The following BCL9 variants were observed in gnomAD, a reference collection of about 807,000 sequenced individuals.
The protein encoded by BCL9 is B-cell CLL/lymphoma 9 protein.
In BCL9, 25 loss-of-function variants were observed where a neutral mutation model predicts 88.5. The ratio of observed to expected loss-of-function variants is 0.28; its 90% CI spans 0.21 to 0.39. The LOEUF is 0.39. Ranked by LOEUF, BCL9 falls within the 10% of genes least tolerant of loss-of-function variation. BCL9 has a pLI of 1.00. For synonymous variants in BCL9, 711 were observed against 673.3 expected (o/e 1.06, Z -0.87); for missense variants, 1,817 against 1,877.8 (o/e 0.97, Z 0.60).
intron 1 of BCL9, among the ~76,000 whole-genome samples, chr1:147,597,271 A>G (rs1657096228): frequency 6.6e-6 from 1 of 152,218 alleles, no homozygotes; most frequent in African/African-American, 2.4e-5. Context: ...ACAGGTGGAA[A>G]AACTGGAGGC....
At chr1:147,613,313 ATCAGAT>A (rs1386297843) in intron 5 of BCL9, 114 bp downstream of exon 5, 37 of 1,018,490 alleles carry the variant, frequency 3.6e-5, no homozygotes, top group African/African-American at 1.5e-4. Flanking sequence ...GAGAGTAGGT[ATCAGAT>A]TCATGAGTTC....
At chr1:147,618,008 T>TTA (rs1475290074) in intron 7 of BCL9, among the ~76,000 whole-genome samples, 1 of 152,188 alleles carries the variant, frequency 6.6e-6, no homozygotes, top group East Asian at 1.9e-4. Flanking sequence ...GCAGTGGTAC[T>TTA]TAATAAACAA....
At chr1:147,599,639 G>C (rs1657245665) in intron 1 of BCL9, among the ~76,000 whole-genome samples, 1 of 152,300 alleles carries the variant, frequency 6.6e-6, no homozygotes, top group South Asian at 2.1e-4. Context: ...TGGAGTTGGG[G>C]ACTAGAGCTC....
At chr1:147,589,993 C>T (rs1487549701) in intron 1 of BCL9, among the ~76,000 whole-genome samples, 1 of 152,222 alleles carries the variant, frequency 6.6e-6, no homozygotes, top group African/African-American at 2.4e-5. Context: ...TTCTCACCAA[C>T]ACTTGCCATT....
In BCL9 at chr1:147,548,965, C is replaced by T. The variant is rs587682865; in HGVS notation, c.-478+7291C>T. Among the ~76,000 whole-genome samples the T allele has an allele frequency of 3.2e-5, 4 of 123,496 alleles. No homozygotes were observed. The East Asian group carries it at 1.0e-3, about 32-fold the overall frequency. The allele number at this position is 123,496 out of a possible 152,430, so 81.0% of individuals were successfully genotyped here. A position where few individuals can be genotyped will look rare whatever the true frequency, so the allele number is the denominator to read the frequency against. ...CATTTCGTATACTCTCAAATTCTCT[C>T]CTTTTCTTTCTTTCTTTTTTTTTTT... On this transcript the variant is annotated intron_variant, in intron 1 of 9. Transcript: ENST00000234739.
intron 2 of BCL9, 123 bp from the exon 3 acceptor site, chr1:147,606,661 C>T (rs1214320321): frequency 1.3e-5 from 2 of 152,162 alleles, no homozygotes; most frequent in Admixed American, 6.5e-5. Flanking sequence ...ATGACAGCTT[C>T]GTCTTAAACT....
chr1:147,578,259 T>C (rs1656197939), intron 1 of BCL9, among the ~76,000 whole-genome samples: 1 of 152,184 alleles, frequency 6.6e-6, no homozygotes, highest in Non-Finnish European at 1.5e-5. Flanking sequence ...TCCTCCCATG[T>C]CAAGTGTTTG....
At chr1:147,547,364 C>A (rs1654652784) in intron 1 of BCL9, among the ~76,000 whole-genome samples, 1 of 152,032 alleles carries the variant, frequency 6.6e-6, no homozygotes, top group South Asian at 2.1e-4. Flanking sequence ...ATTGGTTAAA[C>A]CTTTGAAAAG....
intron 7 of BCL9, among the ~76,000 whole-genome samples, chr1:147,616,506 G>T (rs781784136): frequency 2.3e-4 from 35 of 152,172 alleles, no homozygotes; most frequent in Non-Finnish European, 4.6e-4. Context: ...GGTGGCTCAT[G>T]CCTGTAATCC....
At chr1:147,587,984 G>A (rs903001054) in intron 1 of BCL9, among the ~76,000 whole-genome samples, 9 of 152,244 alleles carry the variant, frequency 5.9e-5, no homozygotes, top group South Asian at 4.1e-4. Flanking sequence ...TATTAAAAAC[G>A]TCAAGTTTGT....
At chr1:147,575,859 A>C (rs1656085761) in intron 1 of BCL9, among the ~76,000 whole-genome samples, 2 of 145,370 alleles carry the variant, frequency 1.4e-5, no homozygotes, top group Non-Finnish European at 3.0e-5. Context: ...ACTTATATGC[A>C]TTTATACATC....
At chr1:147,600,678 G>A (rs1553201145) in intron 1 of BCL9, among the ~76,000 whole-genome samples, 1 of 152,074 alleles carries the variant, frequency 6.6e-6, no homozygotes, top group Non-Finnish European at 1.5e-5. Flanking sequence ...GTGTTGGAGG[G>A]GCGAGATGGA....
intron 3 of BCL9, among the ~76,000 whole-genome samples, chr1:147,610,485 C>T (rs1570901643): frequency 6.6e-6 from 1 of 152,120 alleles, no homozygotes; most frequent in African/African-American, 2.4e-5. Context: ...TATAATTGAT[C>T]CTCCCAATTT....
At chr1:147,571,560 G>A (rs981275189) in intron 1 of BCL9, among the ~76,000 whole-genome samples, 2 of 152,108 alleles carry the variant, frequency 1.3e-5, no homozygotes, top group Non-Finnish European at 2.9e-5. Context: ...CCCCTCCCCA[G>A]GTTATGTTGA....
rs1553203407 is a variant in BCL9, at chr1:147,614,499, C to T, written c.443C>T (p.Ala148Val). The T allele has an allele frequency of 6.2e-7, 1 of 1,614,108 alleles. No individual in the cohort carries two copies. Among genetic ancestry groups the T allele is most frequent in the East Asian group, 2.2e-5 (1 of 44,874 alleles). Residue 148 changes from alanine to valine, a missense_variant, in exon 6 of 10, where the codon GCT (alanine) becomes GTT (valine). Physicochemically the swap from Ala to Val is moderately conservative, Grantham distance 64. Transcript: ENST00000234739. Reference protein sequence around the residue: ...HTPHSMTPSNATAPRSSTPSH... With the variant: ...HTPHSMTPSNVTAPRSSTPSH... ...CCACACTCGATGACCCCATCAAATG[C>T]TACAGCCCCCAGGTCTTCTACCCCC... is the stretch of plus-strand genomic sequence containing the variant.
Position 147,614,512 on chromosome 1 carries a change from G to C in BCL9, c.456G>C (p.Arg152Ser). Residue 152 changes from arginine (R) to serine (S), a missense_variant, in exon 6 of 10, where the codon AGG (arginine) becomes AGC (serine). Physicochemically the swap from Arg to Ser is moderately radical, Grantham distance 110 (BLOSUM62 -1). Coordinates refer to ENST00000234739, the MANE Select transcript of BCL9 (RefSeq NM_004326.4). ...SMTPSNATAP[R>S]SSTPSHGQTT... is the part of the protein sequence containing the mutation. ...CCCCATCAAATGCTACAGCCCCCAG[G>C]TCTTCTACCCCCTCCCATGGCCAAA... 2 of 1,613,822 alleles carry C rather than the reference G, an allele frequency of 1.2e-6. No homozygotes were observed. Among genetic ancestry groups the C allele is most frequent in the African/African-American group, 2.7e-5 (2 of 74,924 alleles).
intron 1 of BCL9, among the ~76,000 whole-genome samples, chr1:147,544,663 C>T (rs370363552): frequency 1.4e-4 from 21 of 152,044 alleles, no homozygotes; most frequent in Non-Finnish European, 1.3e-4. Context: ...TCTTGGAATT[C>T]CAAAGACAAT....
In BCL9 at chr1:147,595,713, A is replaced by T. The variant is rs201976985; in HGVS notation, c.-477-9064A>T. On this transcript the variant is annotated intron_variant, in intron 1 of 9. Transcript: ENST00000234739. ...AAATAAATAAATAAATAAATAATAA[A>T]TTAGTGGAAATTGAGGAAGAAAAGG... Among the ~76,000 whole-genome samples, 34 of 152,214 alleles carry T rather than the reference A, an allele frequency of 2.2e-4. No homozygotes were observed. In the East Asian group the frequency reaches 6.2e-3, roughly 28 times the overall value.
chr1:147,618,664 G>T, intron 7 of BCL9, 152 bp from the exon 8 acceptor site: 1 of 667,798 alleles, frequency 1.5e-6, no homozygotes, highest in Non-Finnish European at 2.3e-6. Context: ...ATGTCTCCAT[G>T]CCCAAAAGAG....
Sources: gnomAD v4.1 joint callset for allele counts (sites outside exome capture counted in the v4.1 genomes callset) on GRCh38, gnomAD v4.1.1 for gene constraint, MANE v1.5 for transcripts, NCBI Gene and HGNC (gene_info 2026-07-23, HGNC 2026-07-21) for gene names.